SLC9B1: variants seen among roughly 807,000 people sequenced by gnomAD.
SLC9B1 encodes solute carrier family 9 member B1.
Under a neutral mutation model 51.7 loss-of-function variants are expected in SLC9B1, and 32 were observed. That is an observed-to-expected ratio of 0.62 (90% CI 0.47 to 0.83). The LOEUF is 0.83. Ranked by LOEUF, SLC9B1 falls within the 40% of genes least tolerant of loss-of-function variation. The pLI is 0.00. For missense variants in SLC9B1, 406 were observed against 613.2 expected (o/e 0.66, Z 3.57); for synonymous variants, 145 against 212.7 (o/e 0.68, Z 2.77).
intron 7 of SLC9B1, among the ~76,000 whole-genome samples, chr4:102,923,001 C>G (rs1273117585): frequency 2.0e-5 from 3 of 152,196 alleles, no homozygotes; most frequent in Admixed American, 1.3e-4. Flanking sequence ...TGGTACCATT[C>G]TTTCTGAAAC....
chr4:103,007,773 G>A (rs1216143610), intron 1 of SLC9B1, among the ~76,000 whole-genome samples: 1 of 151,622 alleles, frequency 6.6e-6, no homozygotes, highest in African/African-American at 2.4e-5. Context: ...TTAATTTTTT[G>A]TAGGGACGGG....
intron 9 of SLC9B1, among the ~76,000 whole-genome samples, chr4:102,908,281 A>C (rs1735154148): frequency 1.3e-5 from 2 of 152,264 alleles, no homozygotes; most frequent in South Asian, 4.1e-4. Context: ...ACAATTTGGC[A>C]AAAAATGACT....
chr4:102,926,047 T>C (rs1202007467), intron 7 of SLC9B1, among the ~76,000 whole-genome samples: 2 of 152,250 alleles, frequency 1.3e-5, no homozygotes, highest in African/African-American at 2.4e-5. Context: ...AATTCAACAC[T>C]CCTTCATGCT....
At chr4:103,012,836 G>A (rs1039079601) in intron 1 of SLC9B1, among the ~76,000 whole-genome samples, 8 of 152,140 alleles carry the variant, frequency 5.3e-5, no homozygotes, top group African/African-American at 1.9e-4. Context: ...CATGGTGGAA[G>A]GCATGTAAAG....
At chr4:102,919,601 G>C (rs547977844) in intron 7 of SLC9B1, among the ~76,000 whole-genome samples, 1 of 152,284 alleles carries the variant, frequency 6.6e-6, no homozygotes, top group East Asian at 1.9e-4. Flanking sequence ...AAGCAGGGTG[G>C]GGCATCACCT....
intron 1 of SLC9B1, among the ~76,000 whole-genome samples, chr4:103,002,997 A>C (rs1012657036): frequency 1.3e-5 from 2 of 152,130 alleles, no homozygotes; most frequent in Non-Finnish European, 2.9e-5. Context: ...AAAAGAAACA[A>C]AATCCTTGCT....
chr4:102,909,761 C>T (rs1328912134), intron 9 of SLC9B1, among the ~76,000 whole-genome samples: 1 of 151,304 alleles, frequency 6.6e-6, no homozygotes, highest in Non-Finnish European at 1.5e-5. Flanking sequence ...AAATCTTTTA[C>T]ATTTTATTCT....
intron 6 of SLC9B1, among the ~76,000 whole-genome samples, chr4:102,933,245 C>CA (rs958005822): frequency 1.1e-3 from 160 of 152,258 alleles, no homozygotes; most frequent in Middle Eastern, 3.4e-3. Context: ...AGGTTGTGCA[C>CA]CCCTCTACTT....
chr4:102,962,757 C>A (rs924535883), intron 3 of SLC9B1: 43 of 473,350 alleles, frequency 9.1e-5, no homozygotes, highest in African/African-American at 7.0e-4. Flanking sequence ...ACCACAAAAG[C>A]CATTAAGGAG....
At chr4:102,914,406 C>T (rs939718641) in intron 7 of SLC9B1, among the ~76,000 whole-genome samples, 5 of 152,064 alleles carry the variant, frequency 3.3e-5, no homozygotes, top group African/African-American at 1.2e-4. Context: ...CCTGCAAAGG[C>T]AGACTGGTTC....
Position 102,911,539 on chromosome 4 carries a change from T to C in SLC9B1, c.830-2A>G, listed in dbSNP as rs765601805. 1.9e-6 allele frequency: 3 copies of C among 1,573,470 alleles called. No individual in the cohort carries two copies. Among genetic ancestry groups the C allele is most frequent in the South Asian group, 2.2e-5 (2 of 88,928 alleles). ...CTATGGCGTTATTAAGTATACCACC[T>C]GTAGGGGCACACAATAAAAAAAAAT... On this transcript the variant is annotated splice_acceptor_variant, in intron 7 of 11. Transcript: ENST00000296422. LOFTEE classifies it high-confidence loss of function.
intron 1 of SLC9B1, among the ~76,000 whole-genome samples, chr4:102,995,279 T>TA (rs1740155413): frequency 1.3e-5 from 2 of 152,268 alleles, no homozygotes; most frequent in South Asian, 2.1e-4. Context: ...GGGAAGATTA[T>TA]AAAAAACATT....
intron 1 of SLC9B1, among the ~76,000 whole-genome samples, chr4:103,009,733 T>C (rs956321513): frequency 2.6e-5 from 4 of 152,254 alleles, no homozygotes; most frequent in African/African-American, 9.6e-5. Context: ...GTTGTGAGTA[T>C]GTATTGCTTT....
At chr4:103,013,862 C>A (rs564279266) in intron 1 of SLC9B1, among the ~76,000 whole-genome samples, 23 of 152,294 alleles carry the variant, frequency 1.5e-4, no homozygotes, top group African/African-American at 5.5e-4. Context: ...TTATTCATTT[C>A]TTTCCAGATA....
intron 1 of SLC9B1, among the ~76,000 whole-genome samples, chr4:103,010,981 A>G (rs1215898099): frequency 6.6e-6 from 1 of 152,192 alleles, no homozygotes; most frequent in East Asian, 1.9e-4. Flanking sequence ...AAAAGTCTTA[A>G]CTGTTTCCGA....
At chr4:102,906,851 C>T (rs906457917) in intron 9 of SLC9B1, among the ~76,000 whole-genome samples, 28 of 152,088 alleles carry the variant, frequency 1.8e-4, no homozygotes, top group Admixed American at 1.8e-3. Flanking sequence ...TCGCAGTCTC[C>T]CAAGTAGAAC....
At chr4:102,966,665 G>C (rs1040098765) in intron 3 of SLC9B1, among the ~76,000 whole-genome samples, 1 of 152,122 alleles carries the variant, frequency 6.6e-6, no homozygotes, top group African/African-American at 2.4e-5. Context: ...CCTCTGGAAA[G>C]GCAACCTCAA....
At chr4:102,995,375 A>T (rs1740161071) in intron 1 of SLC9B1, among the ~76,000 whole-genome samples, 1 of 152,194 alleles carries the variant, frequency 6.6e-6, no homozygotes, top group Non-Finnish European at 1.5e-5. Flanking sequence ...AGAAGCTGTG[A>T]GTCATAAGTA....
At chr4:102,918,379 T>C (rs910309240) in intron 7 of SLC9B1, among the ~76,000 whole-genome samples, 6 of 152,282 alleles carry the variant, frequency 3.9e-5, no homozygotes, top group African/African-American at 1.4e-4. Context: ...AATAGACCTA[T>C]AACTAGTAAC....
Sources: gnomAD v4.1 joint callset for allele counts (sites outside exome capture counted in the v4.1 genomes callset) on GRCh38, gnomAD v4.1.1 for gene constraint, MANE v1.5 for transcripts, NCBI Gene and HGNC (gene_info 2026-07-23, HGNC 2026-07-21) for gene names.